ABTB3: variants seen among roughly 807,000 people sequenced by gnomAD.
ABTB3 encodes ankyrin repeat- and BTB/POZ domain-containing protein 3.
the ABTB3 span, among the ~76,000 whole-genome samples, chr12:107,486,877 A>C: frequency 2.6e-5 from 4 of 152,164 alleles, no homozygotes; most frequent in Non-Finnish European, 5.9e-5. Flanking sequence ...CATTTTACAA[A>C]TGAGGAGATC....
At chr12:107,634,748 T>C in the ABTB3 span, 2 of 152,138 alleles carry the variant, frequency 1.3e-5, no homozygotes, top group East Asian at 3.9e-4. Context: ...CACCTTTTGT[T>C]TGGAGCCAGT....
the ABTB3 span, among the ~76,000 whole-genome samples, chr12:107,443,075 A>G: frequency 6.6e-6 from 1 of 152,016 alleles, no homozygotes; most frequent in Non-Finnish European, 1.5e-5. Context: ...CTCATGACCT[A>G]ATTACCTCCC....
At chr12:107,617,181 A>C in the ABTB3 span, 1 of 1,614,110 alleles carries the variant, frequency 6.2e-7, no homozygotes, top group Non-Finnish European at 8.5e-7. Flanking sequence ...CAGCTGCTGT[A>C]GGTAAGAGCT....
chr12:107,417,777 T>A, the ABTB3 span, among the ~76,000 whole-genome samples: 1 of 152,138 alleles, frequency 6.6e-6, no homozygotes, highest in Non-Finnish European at 1.5e-5. Flanking sequence ...ATGAGCTGAG[T>A]CCCACGCCCC....
the ABTB3 span, chr12:107,617,697 G>A: frequency 2.1e-6 from 1 of 478,226 alleles, no homozygotes; most frequent in Admixed American, 3.8e-5. Context: ...CTCTTGGTCG[G>A]TTTTGCTCAG....
At chr12:107,361,320 C>G in the ABTB3 span, among the ~76,000 whole-genome samples, 2 of 152,136 alleles carry the variant, frequency 1.3e-5, no homozygotes, top group African/African-American at 4.8e-5. Context: ...ATTGCACATA[C>G]TGTTCTGTGC....
chr12:107,402,313 A>G, the ABTB3 span, among the ~76,000 whole-genome samples: 1 of 152,166 alleles, frequency 6.6e-6, no homozygotes, highest in African/African-American at 2.4e-5. Context: ...ACTGCCTCTC[A>G]TGTGGGCAAA....
chr12:107,321,613 A>G, the ABTB3 span, among the ~76,000 whole-genome samples: 1 of 79,838 alleles, frequency 1.3e-5, no homozygotes, highest in Admixed American at 1.6e-4. Flanking sequence ...CCACACACAC[A>G]CACACACACA....
the ABTB3 span, among the ~76,000 whole-genome samples, chr12:107,541,637 T>C: frequency 6.6e-6 from 1 of 152,246 alleles, no homozygotes; most frequent in African/African-American, 2.4e-5. Flanking sequence ...AAGCCTTCAA[T>C]TAATTGATGA....
chr12:107,601,922 G>C, the ABTB3 span, among the ~76,000 whole-genome samples: 1 of 152,214 alleles, frequency 6.6e-6, no homozygotes, highest in Non-Finnish European at 1.5e-5. Flanking sequence ...AGCTGTGCCA[G>C]GTTGCCTGGT....
the ABTB3 span, among the ~76,000 whole-genome samples, chr12:107,645,665 A>C: frequency 6.6e-6 from 1 of 152,220 alleles, no homozygotes; most frequent in Non-Finnish European, 1.5e-5. Flanking sequence ...TACACTGTGA[A>C]GCCTGGGACT....
the ABTB3 span, among the ~76,000 whole-genome samples, chr12:107,597,488 A>G: frequency 3.9e-5 from 6 of 152,134 alleles, no homozygotes; most frequent in Non-Finnish European, 8.8e-5. Flanking sequence ...CTCTGCAATA[A>G]CTAGCCCACT....
the ABTB3 span, among the ~76,000 whole-genome samples, chr12:107,600,701 G>T: frequency 1.3e-5 from 2 of 152,254 alleles, no homozygotes; most frequent in African/African-American, 4.8e-5. Flanking sequence ...CAGGCAGATG[G>T]CTGCTGCCTT....
the ABTB3 span, among the ~76,000 whole-genome samples, chr12:107,373,860 A>G: frequency 6.6e-6 from 1 of 152,162 alleles, no homozygotes; most frequent in Non-Finnish European, 1.5e-5. Flanking sequence ...CATGCTCAGT[A>G]AATACTTGTG....
At chr12:107,407,447 C>T in the ABTB3 span, among the ~76,000 whole-genome samples, 5 of 152,218 alleles carry the variant, frequency 3.3e-5, no homozygotes, top group African/African-American at 7.2e-5. Context: ...AGGCTTGGCC[C>T]CTTGCTGAGG....
At chr12:107,342,627 C>A in the ABTB3 span, among the ~76,000 whole-genome samples, 1 of 152,140 alleles carries the variant, frequency 6.6e-6, no homozygotes, top group Admixed American at 6.5e-5. Flanking sequence ...CAAGTCCAAG[C>A]TCCTCATCCT....
chr12:107,411,403 T>G, the ABTB3 span, among the ~76,000 whole-genome samples: 1 of 152,260 alleles, frequency 6.6e-6, no homozygotes, highest in Non-Finnish European at 1.5e-5. Flanking sequence ...TGTGTAGACA[T>G]TCATACTTAC....
At chr12:107,541,105 C>T in the ABTB3 span, among the ~76,000 whole-genome samples, 1 of 152,328 alleles carries the variant, frequency 6.6e-6, no homozygotes, top group East Asian at 1.9e-4. Context: ...AATCAACCCC[C>T]CTAAAGCTGG....
chr12:107,495,111 C>T, the ABTB3 span, among the ~76,000 whole-genome samples: 2 of 152,164 alleles, frequency 1.3e-5, no homozygotes, highest in African/African-American at 4.8e-5. Context: ...TAGACTGAGG[C>T]TCATCCACCC....
Sources: allele counts gnomAD v4.1 joint callset (sites outside exome capture counted in the v4.1 genomes callset), GRCh38; gene constraint gnomAD v4.1.1; transcripts MANE v1.5; gene names NCBI Gene and HGNC (gene_info 2026-07-23, HGNC 2026-07-21).